Variants in PHF14 observed in about 807,000 individuals in gnomAD.
PHF14 encodes PHD finger protein 14.
Under a neutral mutation model 117.9 loss-of-function variants are expected in PHF14, and 55 were observed. The ratio of observed to expected loss-of-function variants is 0.47; its 90% CI spans 0.38 to 0.58. The LOEUF (loss-of-function observed/expected upper bound fraction) is 0.58, where lower values mean the gene tolerates loss of function less well. Ranked by LOEUF, PHF14 falls within the 20% of genes least tolerant of loss-of-function variation. PHF14 has a pLI of 0.00. For synonymous variants in PHF14, 409 were observed against 368.6 expected (o/e 1.11, Z -1.26); for missense variants, 978 against 1,122.2 (o/e 0.87, Z 1.84).
chr7:11,072,699 T>TAAGG (rs1785659902), intron 16 of PHF14, among the ~76,000 whole-genome samples: 1 of 151,688 alleles, frequency 6.6e-6, no homozygotes, highest in Admixed American at 6.6e-5. Context: ...TACATTGCTA[T>TAAGG]AAATACCTGA....
At chr7:11,035,414 G>C (rs563109873) in intron 7 of PHF14, among the ~76,000 whole-genome samples, 1 of 152,040 alleles carries the variant, frequency 6.6e-6, no homozygotes, top group South Asian at 2.1e-4. Flanking sequence ...TAAACCTGCA[G>C]GCCCTTTAAA....
chr7:11,100,807 C>T (rs1349407720), intron 16 of PHF14, among the ~76,000 whole-genome samples: 2 of 151,944 alleles, frequency 1.3e-5, no homozygotes, highest in Non-Finnish European at 2.9e-5. Context: ...GCAGTCTTAA[C>T]CATACAGTTC....
intron 16 of PHF14, chr7:11,108,838 TATG>T (rs1027353967): frequency 1.4e-4 from 21 of 151,784 alleles, no homozygotes; most frequent in Admixed American, 8.6e-4. Context: ...AATAATGAAT[TATG>T]ATACACATGC....
intron 16 of PHF14, among the ~76,000 whole-genome samples, chr7:11,068,721 C>G (rs1170376630): frequency 3.9e-5 from 6 of 152,068 alleles, no homozygotes; most frequent in African/African-American, 1.2e-4. Flanking sequence ...TAAAAATAAC[C>G]TGAAGAACAA....
chr7:11,160,214 A>T (rs1788984290), intron 17 of PHF14, among the ~76,000 whole-genome samples: 1 of 152,124 alleles, frequency 6.6e-6, no homozygotes, highest in Admixed American at 6.6e-5. Flanking sequence ...AGCTGCATCC[A>T]TGTTGCTGCA....
intron 3 of PHF14, among the ~76,000 whole-genome samples, chr7:10,984,598 T>C (rs1782152098): frequency 6.6e-6 from 1 of 152,162 alleles, no homozygotes; most frequent in African/African-American, 2.4e-5. Context: ...CCACATCACT[T>C]TCTTCATTTT....
intron 17 of PHF14, among the ~76,000 whole-genome samples, chr7:11,122,526 C>G (rs1787807729): frequency 6.7e-6 from 1 of 149,736 alleles, no homozygotes; most frequent in South Asian, 2.1e-4. Flanking sequence ...TCTTTATGCC[C>G]TACAATTATT....
chr7:11,156,369 TA>T (rs1326090517), intron 17 of PHF14, among the ~76,000 whole-genome samples: 1 of 152,238 alleles, frequency 6.6e-6, no homozygotes, highest in African/African-American at 2.4e-5. Flanking sequence ...AAGTGTTACT[TA>T]GATATCTAAT....
At chr7:11,056,808 TTAAA>T (rs1785036519) in intron 14 of PHF14, among the ~76,000 whole-genome samples, 1 of 148,768 alleles carries the variant, frequency 6.7e-6, no homozygotes, top group Non-Finnish European at 1.5e-5. Context: ...TTCTTAGGAA[TTAAA>T]TATATATTAT....
In PHF14 at chr7:11,068,230, A is replaced by T. The variant is rs577590027; in HGVS notation, c.2654+6145A>T. 4.6e-5 allele frequency among the ~76,000 whole-genome samples: 7 copies of T among 151,974 alleles called. No individual in the cohort carries two copies. The South Asian group carries it at 1.5e-3, about 32-fold the overall frequency. ...GTCTGGCATGGTGGTGGGCACCAGT[A>T]GTCCCAGCTACTTGGGAGGCTGAGG... On this transcript the variant is annotated intron_variant, in intron 16 of 17. Coordinates refer to ENST00000634607, the MANE Select transcript of PHF14 (RefSeq NM_001007157.2).
At chr7:10,996,470 G>C (rs770580152) in intron 4 of PHF14, among the ~76,000 whole-genome samples, 6 of 151,028 alleles carry the variant, frequency 4.0e-5, no homozygotes, top group Non-Finnish European at 7.3e-5. Flanking sequence ...TGATGACCCA[G>C]AGAAAACTGT....
intron 16 of PHF14, among the ~76,000 whole-genome samples, chr7:11,081,131 AAG>A (rs1786085240): frequency 6.6e-6 from 1 of 152,178 alleles, no homozygotes; most frequent in Admixed American, 6.6e-5. Context: ...GAAACTATAA[AAG>A]AAGTACTTGC....
intron 17 of PHF14, among the ~76,000 whole-genome samples, chr7:11,120,010 G>A (rs1191881064): frequency 1.3e-5 from 2 of 151,478 alleles, no homozygotes; most frequent in Non-Finnish European, 2.9e-5. Flanking sequence ...ATTAGATTGT[G>A]TATCTATAAG....
At chr7:10,990,086 A>AG (rs991533256) in intron 3 of PHF14, among the ~76,000 whole-genome samples, 8 of 128,750 alleles carry the variant, frequency 6.2e-5, no homozygotes, top group African/African-American at 2.2e-4. Flanking sequence ...CTGTGTATTC[A>AG]TATACCTACG....
At chr7:11,077,692 T>G (rs549418817) in intron 16 of PHF14, among the ~76,000 whole-genome samples, 1 of 152,008 alleles carries the variant, frequency 6.6e-6, no homozygotes, top group African/African-American at 2.4e-5. Flanking sequence ...TCGTACATAG[T>G]CTCTTGTTTG....
chr7:11,009,912 ACT>A (rs1162020664), intron 4 of PHF14, among the ~76,000 whole-genome samples: 2 of 152,120 alleles, frequency 1.3e-5, no homozygotes, highest in Admixed American at 6.5e-5. Context: ...GAGGTTTAAA[ACT>A]CTGTGCAAAT....
At position 11,103,987 on chromosome 7, in the gene PHF14, T is replaced by C. The variant is rs1787176325; in HGVS notation, c.2655-7363T>C. On this transcript the variant is annotated intron_variant, in intron 16 of 17. Coordinates refer to ENST00000634607, the MANE Select transcript of PHF14 (RefSeq NM_001007157.2). ...TTAAGGAAATGTTGGTAATTATTAC[T>C]GTTGCTGAACTCTGGCTGCTTTTAA... The C allele has an allele frequency of 6.1e-6, 6 of 984,938 alleles. No homozygotes were observed. The South Asian group carries it at 2.8e-4, about 46-fold the overall frequency. The allele number at this position is 984,938 out of a possible 1,614,324, so 61.0% of individuals were successfully genotyped here.
At chr7:11,075,291 T>A (rs910059221) in intron 16 of PHF14, among the ~76,000 whole-genome samples, 14 of 152,060 alleles carry the variant, frequency 9.2e-5, no homozygotes, top group African/African-American at 2.4e-5. Context: ...TTTTCTCTGT[T>A]AGTTGATGTT....
chr7:11,156,036 A>G (rs1274108572), intron 17 of PHF14, among the ~76,000 whole-genome samples: 2 of 152,246 alleles, frequency 1.3e-5, no homozygotes, highest in East Asian at 1.9e-4. Flanking sequence ...GACAAGCTTT[A>G]TAAGTGATTT....
Sources: gnomAD v4.1 joint callset for allele counts (sites outside exome capture counted in the v4.1 genomes callset) on GRCh38, gnomAD v4.1.1 for gene constraint, MANE v1.5 for transcripts, NCBI Gene and HGNC (gene_info 2026-07-23, HGNC 2026-07-21) for gene names.